The following ZNF676 variants were observed in gnomAD, a reference collection of about 807,000 sequenced individuals.
ZNF676 encodes the protein zinc finger protein 676.
Under a neutral mutation model 6.0 loss-of-function variants are expected in ZNF676, and 4 were observed. The ratio of observed to expected loss-of-function variants is 0.67; its 90% confidence interval spans 0.33 to 1.53. ZNF676 has a LOEUF of 1.53. ZNF676 is among the 40% of genes most tolerant of loss of function. ZNF676 has a pLI of 0.06. For synonymous variants in ZNF676, 198 were observed against 223.1 expected, an observed-to-expected ratio of 0.89 and a Z score of 1.00; for missense variants, 644 against 679.7, an observed-to-expected ratio of 0.95 and a Z score of 0.58.
chr19:22,234,837 G>T, the ZNF676 span, among the ~76,000 whole-genome samples: 1 of 152,020 alleles, frequency 6.6e-6, no homozygotes, highest in East Asian at 1.9e-4. Flanking sequence ...AGGAGGCTGA[G>T]GCAGGAGATT....
At chr19:22,238,079 T>C in the ZNF676 span, among the ~76,000 whole-genome samples, 1 of 152,182 alleles carries the variant, frequency 6.6e-6, no homozygotes, top group Non-Finnish European at 1.5e-5. Context: ...CTTTGTCCAT[T>C]GAACTTAGGA....
intron 2 of ZNF676, among the ~76,000 whole-genome samples, chr19:22,183,435 T>C (rs1396884125): frequency 1.3e-5 from 2 of 152,128 alleles, no homozygotes; most frequent in Non-Finnish European, 2.9e-5. Context: ...CCACCCAGGT[T>C]CAAGCAGTTC....
chr19:22,250,947 G>T, the ZNF676 span, among the ~76,000 whole-genome samples: 1 of 152,090 alleles, frequency 6.6e-6, no homozygotes, highest in African/African-American at 2.4e-5. Context: ...TCTGACCTCA[G>T]GTGATCCACT....
At chr19:22,215,371 C>G (rs577297121) in intron 1 of ZNF676, among the ~76,000 whole-genome samples, 1 of 152,174 alleles carries the variant, frequency 6.6e-6, no homozygotes, top group East Asian at 1.9e-4. Context: ...CGTGCACAAT[C>G]TGGGAGAGAC....
At chr19:22,189,707 C>T (rs1414301570) in intron 2 of ZNF676, among the ~76,000 whole-genome samples, 1 of 151,994 alleles carries the variant, frequency 6.6e-6, no homozygotes, top group Non-Finnish European at 1.5e-5. Flanking sequence ...AAAAATTGGG[C>T]AAAGGATATG....
At position 22,179,650 on chromosome 19, in the gene ZNF676, G is replaced by A. The variant is rs1265860496; in HGVS notation, c.*300C>T. ...TCCTCCAGTATGAATTCTTTTATGA[G>A]TAGTAAGGTGTGAGGAACAGTTGAA... On this transcript the variant is annotated 3_prime_UTR_variant, in exon 3 of 3. Coordinates refer to ENST00000397121, the MANE Select transcript of ZNF676 (RefSeq NM_001001411.3). 3.5e-6 allele frequency: 2 copies of A among 569,764 alleles called. No homozygotes were observed. Among genetic ancestry groups the A allele is most frequent in the African/African-American group, 3.8e-5 (2 of 52,790 alleles). The allele number at this position is 569,764 out of a possible 1,614,324, so 35.3% of individuals were successfully genotyped here.
intron 1 of ZNF676, among the ~76,000 whole-genome samples, chr19:22,202,227 GT>G (rs2024033514): frequency 6.6e-6 from 1 of 151,722 alleles, no homozygotes; most frequent in Non-Finnish European, 1.5e-5. Context: ...CTCTGATTGG[GT>G]TTCTGTGCCC....
chr19:22,218,496 C>G (rs2024216186), upstream of ZNF676, among the ~76,000 whole-genome samples: 1 of 149,320 alleles, frequency 6.7e-6, no homozygotes, highest in Non-Finnish European at 1.5e-5. Flanking sequence ...CCACACCCAG[C>G]TAAATTTTTT....
At chr19:22,240,667 T>G in the ZNF676 span, among the ~76,000 whole-genome samples, 1 of 151,838 alleles carries the variant, frequency 6.6e-6, no homozygotes, top group Non-Finnish European at 1.5e-5. Context: ...GTGGCAGGCT[T>G]CTGTAGTCCC....
upstream of ZNF676, among the ~76,000 whole-genome samples, chr19:22,197,113 G>A (rs184686891): frequency 4.5e-4 from 68 of 151,960 alleles, 4 homozygotes; most frequent in Admixed American, 3.9e-3. Context: ...ACCTGAGGTT[G>A]GGAGTTCGAG....
the ZNF676 span, among the ~76,000 whole-genome samples, chr19:22,241,363 C>A: frequency 3.3e-5 from 5 of 152,072 alleles, no homozygotes; most frequent in East Asian, 9.7e-4. Context: ...CCCAATCCCT[C>A]CTGAAGACTG....
the ZNF676 span, among the ~76,000 whole-genome samples, chr19:22,248,456 G>A: frequency 5.9e-5 from 9 of 152,146 alleles, no homozygotes; most frequent in Admixed American, 6.5e-5. Flanking sequence ...TGCACGTTGT[G>A]CACATGTACC....
In ZNF676 at chr19:22,180,191, T is replaced by G; in HGVS notation, c.1526A>C (p.Glu509Ala). 3 of 1,613,586 alleles carry G rather than the reference T, an allele frequency of 1.9e-6. No individual in the cohort carries two copies. The highest frequency in any genetic ancestry group is 2.5e-6 in the Non-Finnish European group (3 of 1,179,832). The change falls in exon 3 of 3, where the codon GAA becomes GCA. Residue 509 changes from glutamate (E) to alanine (A), a missense_variant. Physicochemically the swap from Glu to Ala is moderately radical, Grantham distance 107. Around this residue, in one of 5 missense-constraint regions of ZNF676, gnomAD observed 306 missense variants for 265.4 expected, o/e 1.15. Transcript: ENST00000397121. Reference protein sequence around the residue: ...HTGEKRYKCEECGKAFSWSSI... With the variant: ...HTGEKRYKCEACGKAFSWSSI... Reference sequence around the variant, plus strand: ...GGACCAGCTGAAGGCTTTGCCACATTCTTCACATTTGTAGCGTTTCTCTCC... The same window carrying G: ...GGACCAGCTGAAGGCTTTGCCACATGCTTCACATTTGTAGCGTTTCTCTCC...
At chr19:22,191,189 T>G (rs573939932) in intron 2 of ZNF676, among the ~76,000 whole-genome samples, 3 of 152,244 alleles carry the variant, frequency 2.0e-5, no homozygotes, top group East Asian at 1.9e-4. Flanking sequence ...TGAGATCCAG[T>G]GAGGGAATTG....
At chr19:22,221,487 C>T in the ZNF676 span, among the ~76,000 whole-genome samples, 9 of 152,214 alleles carry the variant, frequency 5.9e-5, no homozygotes, top group Admixed American at 2.0e-4. Flanking sequence ...CATGGTGGCT[C>T]ATGCTTTAAT....
the ZNF676 span, among the ~76,000 whole-genome samples, chr19:22,240,135 T>A: frequency 6.6e-6 from 1 of 152,070 alleles, no homozygotes; most frequent in Non-Finnish European, 1.5e-5. Context: ...GGTATACAGG[T>A]CCCAGAATAA....
At chr19:22,222,531 G>C in the ZNF676 span, among the ~76,000 whole-genome samples, 38 of 152,242 alleles carry the variant, frequency 2.5e-4, no homozygotes, top group East Asian at 3.9e-3. Context: ...CTTCTGCCAT[G>C]TACTTCCAGG....
At chr19:22,190,668 T>TATATAAAC (rs1233210246) in intron 2 of ZNF676, among the ~76,000 whole-genome samples, 2 of 93,774 alleles carry the variant, frequency 2.1e-5, no homozygotes, top group Non-Finnish European at 4.1e-5. Context: ...TATATATACA[T>TATATAAAC]ACACACTTTA....
At chr19:22,250,751 A>C in the ZNF676 span, among the ~76,000 whole-genome samples, 1 of 148,196 alleles carries the variant, frequency 6.7e-6, no homozygotes, top group Non-Finnish European at 1.5e-5. Flanking sequence ...TCCTTCTATC[A>C]CCCAGCCTGG....
Sources: allele counts gnomAD v4.1 joint callset (sites outside exome capture counted in the v4.1 genomes callset), GRCh38; gene constraint gnomAD v4.1.1; regional missense constraint gnomAD v4.1.1; transcripts MANE v1.5; gene names NCBI Gene and HGNC (gene_info 2026-07-23, HGNC 2026-07-21).